LTF: variants seen among roughly 807,000 people sequenced by gnomAD.
LTF encodes lactotransferrin.
In LTF, 91 loss-of-function variants were observed where a neutral mutation model predicts 87.2. The ratio of observed to expected loss-of-function variants is 1.04; its 90% confidence interval spans 0.88 to 1.24. The LOEUF is 1.24. Among genes scored for constraint, LTF ranks in the 50% most tolerant of loss-of-function variants. The pLI, the probability that LTF is intolerant of heterozygous loss-of-function variation, is 0.00. For missense variants in LTF, 901 were observed against 904.3 expected (o/e 1.00, Z 0.05); for synonymous variants, 378 against 356.1 (o/e 1.06, Z -0.69).
rs569554166 is a variant in LTF at position 46,478,687 on chromosome 3, C to T, written c.-320+6299G>A. On this transcript the variant is annotated intron_variant, in intron 1 of 19. Transcript: ENST00000443496. ...AACTAGTGGGTGGGCCTGGGGACCTCGTAGATGAAGCAGAACCTGATGGCT... is the reference window on the plus strand; with the variant it reads ...AACTAGTGGGTGGGCCTGGGGACCTTGTAGATGAAGCAGAACCTGATGGCT... 5.3e-5 allele frequency among the ~76,000 whole-genome samples: 8 copies of T among 152,060 alleles called. 1 individual carries two copies. The highest frequency in any genetic ancestry group is 1.9e-4 in the African/African-American group (8 of 41,430).
chr3:46,463,362 C>G, intron 1 of LTF: 2 of 716,212 alleles, frequency 2.8e-6, no homozygotes, highest in Non-Finnish European at 3.4e-6. Flanking sequence ...ATGAGTGCCT[C>G]CCAGCCCATG....
chr3:46,465,913 AATAT>A (rs10586359), upstream of LTF, among the ~76,000 whole-genome samples: 47,148 of 151,814 alleles, frequency 0.31, 8,865 homozygotes, highest in East Asian at 0.5. Context: ...CCTCAGAAAG[AATAT>A]CCTGTGTGTA....
chr3:46,440,041 G>A (rs1702481207), intron 14 of LTF, among the ~76,000 whole-genome samples: 1 of 152,222 alleles, frequency 6.6e-6, no homozygotes, highest in Admixed American at 6.5e-5. Context: ...ACTGATAATA[G>A]GTGCAAGGGT....
chr3:46,449,940 A>G lies in LTF; in HGVS notation c.971T>C (p.Ile324Thr), dbSNP rs755842978. The change falls in exon 8 of 17, where the codon ATT (isoleucine) becomes ACT (threonine). Residue 324 changes from isoleucine (I) to threonine (T), a missense_variant. Coordinates refer to ENST00000231751, the MANE Select transcript of LTF (RefSeq NM_002343.6). ...CCTCGGGGGCACCCTCGAAAACCCA[A>G]TGGCAGAGTCCTTGAACAGCAGATC... ...QKDLLFKDSA[I>T]GFSRVPPRID... The G allele has an allele frequency of 1.4e-5, 23 of 1,613,910 alleles. No individual in the cohort carries two copies. The East Asian group carries it at 1.8e-4, about 13-fold the overall frequency.
intron 6 of LTF, among the ~76,000 whole-genome samples, chr3:46,453,034 G>A (rs950798431): frequency 6.6e-6 from 1 of 152,186 alleles, no homozygotes; most frequent in South Asian, 2.1e-4. Context: ...ACCGTTGTCA[G>A]ATTTTTGACT....
intron 1 of LTF, among the ~76,000 whole-genome samples, chr3:46,483,108 T>C (rs1210866050): frequency 6.6e-6 from 1 of 152,190 alleles, no homozygotes; most frequent in African/African-American, 2.4e-5. Flanking sequence ...TCCACTGTTG[T>C]ATAACATTCC....
At chr3:46,473,041 C>T (rs1703315187) in intron 1 of LTF, among the ~76,000 whole-genome samples, 1 of 152,070 alleles carries the variant, frequency 6.6e-6, no homozygotes, top group Non-Finnish European at 1.5e-5. Flanking sequence ...GTTCTTCCTC[C>T]ATCCTGCCTC....
chr3:46,484,246 C>T (rs1703488251), intron 1 of LTF, among the ~76,000 whole-genome samples: 1 of 152,138 alleles, frequency 6.6e-6, no homozygotes, highest in African/African-American at 2.4e-5. Flanking sequence ...TGAGCTGGGG[C>T]CTGGGCTCTG....
chr3:46,478,419 G>C (rs1340878228), intron 1 of LTF, among the ~76,000 whole-genome samples: 1 of 152,184 alleles, frequency 6.6e-6, no homozygotes, highest in Non-Finnish European at 1.5e-5. Flanking sequence ...TCGCTATGTT[G>C]GTGACAAAGG....
chr3:46,456,001 G>A lies in LTF; in HGVS notation c.317-23C>T, dbSNP rs73831107. ...GCTCTGCAAAGGGGCAGACAGAATT[G>A]AAAGTTCTTAGCCTGGACAAGAGGG... On this transcript the variant is annotated intron_variant, in intron 3 of 16. Coordinates refer to ENST00000231751, the MANE Select transcript of LTF (RefSeq NM_002343.6). The A allele has an allele frequency of 0.015, 22,394 of 1,542,116 alleles. 1,445 individuals are homozygous for A. In the African/African-American group the frequency reaches 0.19, roughly 13 times the overall value.
chr3:46,437,950 G>A lies in LTF; in HGVS notation c.2088C>T (p.Cys696=). Residue 696 remains cysteine (C), a synonymous_variant, in exon 16 of 17, where the codon TGC becomes TGT. Coordinates refer to ENST00000231751, the MANE Select transcript of LTF (RefSeq NM_002343.6). Reference sequence around the variant, plus strand: ...CTAGGGTCTACTTACGGGAGGTTGAGCACTTTTTCAGATTAGTAATGCCTG... The same window carrying A: ...CTAGGGTCTACTTACGGGAGGTTGAACACTTTTTCAGATTAGTAATGCCTG... ...YVAGITNLKK[C]STSPLLEACE... 6.2e-7 allele frequency: 1 copy of A among 1,613,810 alleles called. No individual in the cohort carries two copies. Among genetic ancestry groups the A allele is most frequent in the South Asian group, 1.1e-5 (1 of 91,042 alleles).
At chr3:46,473,592 A>T (rs949452460) in intron 1 of LTF, among the ~76,000 whole-genome samples, 1 of 152,220 alleles carries the variant, frequency 6.6e-6, no homozygotes. Flanking sequence ...TGGAGGCTCC[A>T]GGGGGAATCC....
At position 46,459,927 on chromosome 3, in the gene LTF, C is replaced by G. The variant is rs933338044; in HGVS notation, c.44-108G>C. On this transcript the variant is annotated intron_variant, in intron 1 of 16. Coordinates refer to ENST00000231751, the MANE Select transcript of LTF (RefSeq NM_002343.6). The stretch of plus-strand genomic sequence containing the variant: ...CTCCTCCCTCTCTCTCGGCTGCCCT[C>G]CTTCCCTCTCCATTTCATGGCTATG... The G allele has an allele frequency of 4.3e-6, 3 of 699,438 alleles. No homozygotes were observed. The African/African-American group carries it at 5.8e-5, about 13-fold the overall frequency. 43.3% of individuals were successfully genotyped at this position (699,438 alleles called of 1,614,324 possible). A position where few individuals can be genotyped will look rare whatever the true frequency, so the allele number is the denominator to read the frequency against.
chr3:46,461,672 T>TG (rs985822486), intron 1 of LTF, among the ~76,000 whole-genome samples: 3 of 152,168 alleles, frequency 2.0e-5, no homozygotes, highest in African/African-American at 7.2e-5. Flanking sequence ...GGACCTTTAC[T>TG]GGGGGGGATA....
intron 1 of LTF, among the ~76,000 whole-genome samples, chr3:46,461,988 C>A (rs1330126427): frequency 6.6e-6 from 1 of 152,182 alleles, no homozygotes; most frequent in Non-Finnish European, 1.5e-5. Context: ...AGGCCTGTAG[C>A]TCCCTGGCTG....
chr3:46,448,809 G>T, intron 9 of LTF, 54 bp downstream of exon 9: 1 of 1,591,656 alleles, frequency 6.3e-7, no homozygotes, highest in Non-Finnish European at 8.5e-7. Flanking sequence ...CAGATGCCCA[G>T]GCCCTAGGTC....
intron 1 of LTF, among the ~76,000 whole-genome samples, chr3:46,477,865 G>T (rs1703379580): frequency 6.6e-6 from 1 of 152,180 alleles, no homozygotes; most frequent in Admixed American, 6.5e-5. Context: ...AATCTGCAAA[G>T]AGTTCCCTTT....
Position 46,449,894 on chromosome 3 carries a change from A to T in LTF, c.1017T>A (p.Leu339=). ...VPPRIDSGLY[L]GSGYFTAIQN... is the part of the protein sequence containing the mutation. ...GGATGGCAGTGAAGTAGCCGGAGCC[A>T]AGGTACAGCCCAGAATCTATCCTCG... Residue 339 remains leucine, a synonymous_variant, in exon 8 of 17, where the codon CTT becomes CTA. Coordinates refer to ENST00000231751, the MANE Select transcript of LTF (RefSeq NM_002343.6). 1 of 1,614,166 alleles carries T rather than the reference A, an allele frequency of 6.2e-7. No homozygotes were observed. Among genetic ancestry groups the T allele is most frequent in the Non-Finnish European group, 8.5e-7 (1 of 1,180,030 alleles).
intron 11 of LTF, among the ~76,000 whole-genome samples, chr3:46,445,988 C>A (rs371261190): frequency 6.6e-6 from 1 of 152,240 alleles, no homozygotes; most frequent in Admixed American, 6.5e-5. Context: ...AAGGGCAAGT[C>A]TTTTCTGAAA....
Sources: allele counts gnomAD v4.1 joint callset (sites outside exome capture counted in the v4.1 genomes callset), GRCh38; gene constraint gnomAD v4.1.1; transcripts MANE v1.5; gene names NCBI Gene and HGNC (gene_info 2026-07-23, HGNC 2026-07-21).